GALNT13: variants seen among roughly 807,000 people sequenced by gnomAD.
The protein encoded by GALNT13 is polypeptide N-acetylgalactosaminyltransferase 13.
In GALNT13, 28 loss-of-function variants were observed where a neutral mutation model predicts 64.2. That is an observed-to-expected ratio of 0.44 (90% confidence interval 0.32 to 0.60). The LOEUF is 0.60. Among genes scored for constraint, GALNT13 ranks in the 20% least tolerant of loss-of-function variants. The probability of loss-of-function intolerance (pLI) is 0.05; values close to 1 mark genes in which losing one functional copy is unlikely to be tolerated. For missense variants in GALNT13, 577 were observed against 669.8 expected, an observed-to-expected ratio of 0.86 and a Z score of 1.53; for synonymous variants, 214 against 224.6, an observed-to-expected ratio of 0.95 and a Z score of 0.42.
chr2:153,509,233 G>A, the GALNT13 span, among the ~76,000 whole-genome samples: 1 of 152,236 alleles, frequency 6.6e-6, no homozygotes, highest in Non-Finnish European at 1.5e-5. Flanking sequence ...TGAGAGTGCA[G>A]GGCTGCCTCA....
At chr2:153,110,260 A>G in the GALNT13 span, among the ~76,000 whole-genome samples, 1 of 152,054 alleles carries the variant, frequency 6.6e-6, no homozygotes, top group Non-Finnish European at 1.5e-5. Flanking sequence ...CCAATTTTCC[A>G]CATACTGTCA....
At chr2:153,546,969 T>C in the GALNT13 span, among the ~76,000 whole-genome samples, 7 of 152,222 alleles carry the variant, frequency 4.6e-5, no homozygotes, top group Non-Finnish European at 1.0e-4. Flanking sequence ...ATGGCCCACC[T>C]ACTCTGAGTT....
chr2:153,819,163 A>G, the GALNT13 span, among the ~76,000 whole-genome samples: 1 of 152,198 alleles, frequency 6.6e-6, no homozygotes, highest in African/African-American at 2.4e-5. Context: ...TATGGGCCCA[A>G]AGGTGGAGCC....
At chr2:153,127,844 C>G in the GALNT13 span, among the ~76,000 whole-genome samples, 1 of 152,160 alleles carries the variant, frequency 6.6e-6, no homozygotes, top group African/African-American at 2.4e-5. Context: ...TCCACCTAAT[C>G]AAACAACTGA....
At chr2:153,867,200 G>T (rs951169097), upstream of GALNT13, among the ~76,000 whole-genome samples, 2 of 152,076 alleles carry the variant, frequency 1.3e-5, no homozygotes, top group Non-Finnish European at 2.9e-5. Flanking sequence ...CAACCTCCTT[G>T]CTTTCCCACC....
chr2:153,188,493 G>T, the GALNT13 span, among the ~76,000 whole-genome samples: 1 of 152,122 alleles, frequency 6.6e-6, no homozygotes, highest in Non-Finnish European at 1.5e-5. Context: ...GAAAGAGAAT[G>T]TTCAAAATGT....
the GALNT13 span, among the ~76,000 whole-genome samples, chr2:153,136,158 A>G: frequency 6.6e-6 from 1 of 152,142 alleles, no homozygotes; most frequent in Admixed American, 6.6e-5. Context: ...AGTGCTGACT[A>G]TGTGCCAACA....
intron 11 of GALNT13, 100 bp from the exon 12 acceptor site, chr2:154,438,492 A>G: frequency 1.3e-6 from 1 of 793,370 alleles, no homozygotes; most frequent in Non-Finnish European, 2.0e-6. Context: ...TCGTTTGAAA[A>G]CACAAGTTTA....
intron 8 of GALNT13, among the ~76,000 whole-genome samples, chr2:154,287,903 TG>T (rs1232789069): frequency 6.6e-6 from 1 of 152,124 alleles, no homozygotes; most frequent in Admixed American, 6.5e-5. Context: ...AGACTGGTCT[TG>T]CGTTGGAGAT....
intron 2 of GALNT13, among the ~76,000 whole-genome samples, chr2:153,934,234 A>G (rs975956044): frequency 6.6e-6 from 1 of 152,208 alleles, no homozygotes; most frequent in African/African-American, 2.4e-5. Context: ...TTCTTAAAGT[A>G]ATACATGATT....
chr2:154,256,997 A>G (rs182892187), intron 7 of GALNT13, among the ~76,000 whole-genome samples: 8 of 152,326 alleles, frequency 5.3e-5, no homozygotes, highest in African/African-American at 1.9e-4. Flanking sequence ...GTGTTGCATA[A>G]CATTGGCTAT....
the GALNT13 span, among the ~76,000 whole-genome samples, chr2:153,512,669 G>T: frequency 6.6e-6 from 1 of 152,120 alleles, no homozygotes; most frequent in African/African-American, 2.4e-5. Context: ...AAACACTTAG[G>T]ATAACACCCG....
chr2:153,567,059 CTT>C, the GALNT13 span, among the ~76,000 whole-genome samples: 2 of 152,030 alleles, frequency 1.3e-5, no homozygotes, highest in Non-Finnish European at 2.9e-5. Context: ...TTGGTTGACT[CTT>C]TTGCTTTTCT....
chr2:154,025,960 G>T (rs1469071825), intron 3 of GALNT13, among the ~76,000 whole-genome samples: 2 of 152,058 alleles, frequency 1.3e-5, no homozygotes, highest in East Asian at 1.9e-4. Context: ...TCATGGGGAG[G>T]GAGAGAGAGA....
At chr2:154,084,726 T>C (rs1386675052) in intron 3 of GALNT13, among the ~76,000 whole-genome samples, 1 of 151,966 alleles carries the variant, frequency 6.6e-6, no homozygotes, top group Non-Finnish European at 1.5e-5. Context: ...AGAATAACTT[T>C]ATATAAAGGT....
the GALNT13 span, among the ~76,000 whole-genome samples, chr2:153,841,419 T>C: frequency 3.9e-5 from 6 of 152,200 alleles, no homozygotes; most frequent in South Asian, 2.1e-4. Context: ...GTAGCTAATA[T>C]TGACTAAGCA....
At chr2:153,432,098 G>A in the GALNT13 span, among the ~76,000 whole-genome samples, 26 of 151,832 alleles carry the variant, frequency 1.7e-4, no homozygotes, top group Non-Finnish European at 3.2e-4. Flanking sequence ...TAAGATAACT[G>A]GAAATGGGAA....
At chr2:154,396,156 TTATAAA>T in intron 10 of GALNT13, 26 bp downstream of exon 10, 3 of 1,506,970 alleles carry the variant, frequency 2.0e-6, no homozygotes, top group Non-Finnish European at 2.7e-6. Context: ...TTTGGTTAAG[TTATAAA>T]TATATTTTGC....
At chr2:153,482,899 G>T in the GALNT13 span, among the ~76,000 whole-genome samples, 1 of 151,920 alleles carries the variant, frequency 6.6e-6, no homozygotes, top group South Asian at 2.1e-4. Flanking sequence ...CTAGCACATA[G>T]CAAGATCTCA....
Sources: allele counts gnomAD v4.1 joint callset (sites outside exome capture counted in the v4.1 genomes callset), GRCh38; gene constraint gnomAD v4.1.1; transcripts MANE v1.5; gene names NCBI Gene and HGNC (gene_info 2026-07-23, HGNC 2026-07-21).